DIAPH3: variants seen among roughly 807,000 people sequenced by gnomAD.
DIAPH3 encodes the protein diaphanous related formin 3, also known as protein diaphanous homolog 3.
A neutral mutation model predicts 144.3 loss-of-function variants in DIAPH3; 117 were observed. The observed-to-expected ratio is 0.81, with a 90% CI of 0.70 to 0.95. DIAPH3 has a LOEUF of 0.95. Ranked by LOEUF, DIAPH3 falls within the 40% of genes least tolerant of loss-of-function variation. DIAPH3 has a pLI of 0.00. For missense variants in DIAPH3, 1,421 were observed against 1,412.7 expected (o/e 1.01, Z -0.09); for synonymous variants, 519 against 488.9 (o/e 1.06, Z -0.81).
At chr13:60,042,644 C>G (rs978428595) in intron 5 of DIAPH3, 46 bp downstream of exon 5, 5 of 1,610,416 alleles carry the variant, frequency 3.1e-6, no homozygotes, top group Non-Finnish European at 3.4e-6. Context: ...ACTAAAAGAA[C>G]ACATTAATGA....
chr13:60,061,009 A>T (rs2056748731), intron 4 of DIAPH3, among the ~76,000 whole-genome samples: 1 of 152,108 alleles, frequency 6.6e-6, no homozygotes, highest in African/African-American at 2.4e-5. Context: ...TAGCTGAGTA[A>T]GAACATCTAA....
At chr13:60,062,646 ATAC>A (rs1241574900) in intron 4 of DIAPH3, among the ~76,000 whole-genome samples, 1 of 152,178 alleles carries the variant, frequency 6.6e-6, no homozygotes, top group African/African-American at 2.4e-5. Flanking sequence ...AAATACAGGC[ATAC>A]CTCAGAGATA....
intron 4 of DIAPH3, among the ~76,000 whole-genome samples, chr13:60,088,587 T>C (rs2057828995): frequency 6.6e-6 from 1 of 152,042 alleles, no homozygotes; most frequent in African/African-American, 2.4e-5. Flanking sequence ...GACTCCTTCC[T>C]CTCAACAGAT....
chr13:59,883,339 T>A (rs2140080530), intron 20 of DIAPH3, among the ~76,000 whole-genome samples: 1 of 152,348 alleles, frequency 6.6e-6, no homozygotes, highest in African/African-American at 2.4e-5. Context: ...ACACCATATC[T>A]ACTTCTCTTT....
intron 2 of DIAPH3, among the ~76,000 whole-genome samples, chr13:60,130,047 ATAAT>A (rs1188618311): frequency 9.2e-5 from 14 of 152,234 alleles, no homozygotes; most frequent in African/African-American, 3.4e-4. Flanking sequence ...AAGAAACTGT[ATAAT>A]TAGTCCCAAT....
chr13:59,981,257 A>G (rs926452093), intron 13 of DIAPH3, among the ~76,000 whole-genome samples: 6 of 151,520 alleles, frequency 4.0e-5, no homozygotes, highest in African/African-American at 1.4e-4. Context: ...TCACCAAAAC[A>G]GATGAATAAA....
intron 27 of DIAPH3, among the ~76,000 whole-genome samples, chr13:59,742,164 A>AC (rs1238666254): frequency 5.3e-5 from 8 of 151,828 alleles, no homozygotes; most frequent in African/African-American, 1.7e-4. Flanking sequence ...GAGAGAAACC[A>AC]CCCCCATGAT....
At chr13:59,811,525 T>G (rs891380226) in intron 24 of DIAPH3, among the ~76,000 whole-genome samples, 1 of 151,852 alleles carries the variant, frequency 6.6e-6, no homozygotes, top group Non-Finnish European at 1.5e-5. Flanking sequence ...GATCATAAGG[T>G]CAGTAGATCG....
chr13:59,689,498 C>G (rs953648307), intron 27 of DIAPH3, among the ~76,000 whole-genome samples: 1 of 151,966 alleles, frequency 6.6e-6, no homozygotes, highest in Non-Finnish European at 1.5e-5. Flanking sequence ...GACAGTTTCC[C>G]AAGTATATAT....
chr13:60,059,335 G>C (rs1414184819), intron 4 of DIAPH3, among the ~76,000 whole-genome samples: 1 of 151,922 alleles, frequency 6.6e-6, no homozygotes, highest in Admixed American at 6.6e-5. Flanking sequence ...AATTTATCAA[G>C]TGGTATCCTT....
chr13:60,088,168 C>A (rs182831007), intron 4 of DIAPH3, among the ~76,000 whole-genome samples: 3 of 151,988 alleles, frequency 2.0e-5, no homozygotes, highest in Admixed American at 6.5e-5. Context: ...TCTTGACCTA[C>A]GAAAATTAAT....
chr13:59,910,649 A>C (rs182615279), intron 20 of DIAPH3, among the ~76,000 whole-genome samples: 4 of 151,874 alleles, frequency 2.6e-5, no homozygotes, highest in African/African-American at 9.7e-5. Context: ...GAATCGCTTG[A>C]ACCTGGGAGG....
Position 59,839,352 on chromosome 13 carries a change from A to C in DIAPH3, c.2834T>G (p.Leu945Trp), listed in dbSNP as rs1411071341. Residue 945 changes from leucine to tryptophan, a missense_variant, in exon 23 of 28, where the codon TTG becomes TGG. Physicochemically the swap from Leu to Trp is moderately conservative, Grantham distance 61. Coordinates refer to ENST00000400324, the MANE Select transcript of DIAPH3 (RefSeq NM_001042517.2). ...CATCTTTGTCACAAACTTGTCATGC[A>C]AGTCCTCAGGAGGGGGAAAGGTTTC... ...ELETFPPPEDLHDKFVTKMSR... is the reference protein window; with the variant it reads ...ELETFPPPEDWHDKFVTKMSR... 1.2e-6 allele frequency: 2 copies of C among 1,613,620 alleles called. No individual in the cohort carries two copies. Among genetic ancestry groups the C allele is most frequent in the South Asian group, 2.2e-5 (2 of 91,076 alleles).
At chr13:59,697,995 A>C (rs1566191327) in intron 27 of DIAPH3, among the ~76,000 whole-genome samples, 1 of 152,016 alleles carries the variant, frequency 6.6e-6, no homozygotes, top group African/African-American at 2.4e-5. Flanking sequence ...CACTCCTGGC[A>C]TTTTTTTTAC....
intron 27 of DIAPH3, among the ~76,000 whole-genome samples, chr13:59,742,607 A>C (rs1234503306): frequency 6.6e-6 from 1 of 151,966 alleles, no homozygotes; most frequent in Non-Finnish European, 1.5e-5. Flanking sequence ...GAAAAGAAAG[A>C]AAAGAAGAAA....
At chr13:59,795,178 C>T (rs552686978) in intron 25 of DIAPH3, among the ~76,000 whole-genome samples, 11 of 152,264 alleles carry the variant, frequency 7.2e-5, no homozygotes, top group South Asian at 6.2e-4. Context: ...AAGCACAAGA[C>T]GCAAGACTCT....
intron 27 of DIAPH3, among the ~76,000 whole-genome samples, chr13:59,752,663 C>A (rs1164474132): frequency 6.6e-6 from 1 of 152,118 alleles, no homozygotes; most frequent in Non-Finnish European, 1.5e-5. Flanking sequence ...CCACTGCACC[C>A]AGCTAATGTA....
At chr13:59,962,049 T>C (rs1331963433) in intron 17 of DIAPH3, among the ~76,000 whole-genome samples, 1 of 152,104 alleles carries the variant, frequency 6.6e-6, no homozygotes, top group Non-Finnish European at 1.5e-5. Flanking sequence ...CTAAGTTGGA[T>C]GAAATATTTC....
At chr13:59,773,364 T>G (rs2038223215) in intron 27 of DIAPH3, among the ~76,000 whole-genome samples, 1 of 152,182 alleles carries the variant, frequency 6.6e-6, no homozygotes, top group South Asian at 2.1e-4. Flanking sequence ...CAGTCACATG[T>G]TAATAATTCC....
Sources: allele counts gnomAD v4.1 joint callset (sites outside exome capture counted in the v4.1 genomes callset), GRCh38; gene constraint gnomAD v4.1.1; transcripts MANE v1.5; gene names NCBI Gene and HGNC (gene_info 2026-07-23, HGNC 2026-07-21).